The following MYO1C variants were observed in gnomAD, a reference collection of about 807,000 sequenced individuals.
MYO1C encodes myosin IC, also known as unconventional myosin-Ic.
In MYO1C, 104 loss-of-function variants were observed where a neutral mutation model predicts 150.8. That is an observed-to-expected ratio of 0.69 (90% CI 0.59 to 0.81). MYO1C has a LOEUF of 0.81. MYO1C is among the 30% of genes least tolerant of loss of function. The pLI is 0.00. For synonymous variants in MYO1C, 663 were observed against 579.9 expected (o/e 1.14, Z -2.06); for missense variants, 1,504 against 1,435.0 (o/e 1.05, Z -0.78).
chr17:1,480,999 C>CA, intron 5 of MYO1C, 114 bp from the exon 6 acceptor site: 1 of 1,170,352 alleles, frequency 8.5e-7, no homozygotes. Context: ...ATGCCAATTC[C>CA]AGCCCTGCCA....
chr17:1,479,832 G>A lies in MYO1C; in HGVS notation c.907-127C>T, dbSNP rs1030004442. On this transcript the variant is annotated intron_variant, in intron 7 of 31. Coordinates refer to ENST00000648651, the MANE Select transcript of MYO1C (RefSeq NM_001080779.2). The surrounding 1 kb of genome is among the most constrained non-coding windows in gnomAD (Gnocchi z 4.2). ...AGAGAAGGGGCTGGAAGTGGGAATG[G>A]GTGTTAAAGGTGGAAGGTGATTCTG... 1.5e-6 allele frequency: 1 copy of A among 672,380 alleles called. No homozygotes were observed. Among genetic ancestry groups the A allele is most frequent in the African/African-American group, 1.8e-5 (1 of 56,252 alleles). 41.7% of individuals were successfully genotyped at this position (672,380 alleles called of 1,614,324 possible).
chr17:1,467,830 GA>G lies in MYO1C; in HGVS notation c.2967+9del. The stretch of plus-strand genomic sequence containing the variant: ...TCCCCCACCACTCCTCCCCATCCAT[GA>G]AAAGGCACCTTTTGCTTATTGTCCG... On this transcript the variant is annotated intron_variant, in intron 29 of 31. Transcript: ENST00000648651. 6.9e-7 allele frequency: 1 copy of G among 1,454,952 alleles called. No individual in the cohort carries two copies. The highest frequency in any genetic ancestry group is 1.2e-5 in the South Asian group (1 of 86,956). 90.1% of individuals were successfully genotyped at this position (1,454,952 alleles called of 1,614,324 possible). A position where few individuals can be genotyped will look rare whatever the true frequency, so the allele number is the denominator to read the frequency against.
chr17:1,477,437 A>G, intron 14 of MYO1C, 68 bp downstream of exon 14: 1 of 1,389,798 alleles, frequency 7.2e-7, no homozygotes, highest in Non-Finnish European at 1.0e-6. Flanking sequence ...TGGCGGAGGG[A>G]CTCCTGCACT....
At chr17:1,487,469 T>C (rs1439680216) in intron 1 of MYO1C, among the ~76,000 whole-genome samples, 2 of 152,082 alleles carry the variant, frequency 1.3e-5, no homozygotes, top group Non-Finnish European at 2.9e-5. Flanking sequence ...GGCTCGTCAC[T>C]GCAACAACCC....
At chr17:1,469,380 AGGGTAAATACGGTAGATCG>A (rs1354727924) in intron 25 of MYO1C, 132 bp downstream of exon 25, 10 of 593,336 alleles carry the variant, frequency 1.7e-5, no homozygotes, top group African/African-American at 2.5e-5. Context: ...AGAGTAGACC[AGGGTAAATACGGTAGATCG>A]GGGTAAATAC....
chr17:1,478,030 G>A lies in MYO1C; in HGVS notation c.1401+57C>T. The stretch of plus-strand genomic sequence containing the variant: ...GGGGTCCTGGCACCCTCTCCCAGGG[G>A]CCCCGATACCCAGGCTCCCCGTGGC... On this transcript the variant is annotated intron_variant, in intron 12 of 31. Coordinates refer to ENST00000648651, the MANE Select transcript of MYO1C (RefSeq NM_001080779.2). The surrounding 1 kb of genome is among the most constrained non-coding windows in gnomAD (Gnocchi z 6.3). 1 of 1,611,728 alleles carries A rather than the reference G, an allele frequency of 6.2e-7. No homozygotes were observed. The highest frequency in any genetic ancestry group is 8.5e-7 in the Non-Finnish European group (1 of 1,177,894).
At chr17:1,469,364 G>T in intron 25 of MYO1C, 167 bp downstream of exon 25, 1 of 676,990 alleles carries the variant, frequency 1.5e-6, no homozygotes, top group Non-Finnish European at 2.7e-6. Context: ...GTAGACTGGG[G>T]TAAATAGAGT....
intron 14 of MYO1C, among the ~76,000 whole-genome samples, chr17:1,476,354 A>C (rs2074403218): frequency 6.6e-6 from 1 of 152,064 alleles, no homozygotes. Context: ...TGTAGTTTTA[A>C]TAGAGATAGG....
chr17:1,465,673 A>G lies in MYO1C; in HGVS notation c.*53T>C. ...CGAGTCTTTGGTAACTGGGAAGGGG[A>G]GGAGGAGAAAAGCAAAGCATTGGGC... On this transcript the variant is annotated 3_prime_UTR_variant, in exon 32 of 32. Transcript: ENST00000648651. 1 of 1,322,496 alleles carries G rather than the reference A, an allele frequency of 7.6e-7. No individual in the cohort carries two copies. Among genetic ancestry groups the G allele is most frequent in the South Asian group, 2.6e-5 (1 of 38,372 alleles). 81.9% of individuals were successfully genotyped at this position (1,322,496 alleles called of 1,614,324 possible). A position where few individuals can be genotyped will look rare whatever the true frequency, so the allele number is the denominator to read the frequency against.
rs754387756 is a variant in MYO1C at position 1,470,764 on chromosome 17, C to T, written c.2213-75G>A. 7.6e-6 allele frequency: 11 copies of T among 1,455,514 alleles called. No individual in the cohort carries two copies. In the East Asian group the frequency reaches 1.9e-4, roughly 25 times the overall value. 90.2% of individuals were successfully genotyped at this position (1,455,514 alleles called of 1,614,324 possible). A position where few individuals can be genotyped will look rare whatever the true frequency, so the allele number is the denominator to read the frequency against. On this transcript the variant is annotated intron_variant, in intron 21 of 31. Coordinates refer to ENST00000648651, the MANE Select transcript of MYO1C (RefSeq NM_001080779.2). ...GGAGCCTGGTGCCGTGTGCGCTCCA[C>T]GAGTGGCATGAATGGGAGAGTGGCT...
At chr17:1,487,895 TG>T (rs1443496697) in intron 1 of MYO1C, among the ~76,000 whole-genome samples, 98 of 152,296 alleles carry the variant, frequency 6.4e-4, no homozygotes, top group African/African-American at 2.3e-3. Flanking sequence ...CACTCCAGCC[TG>T]GGCGACAGAG....
intron 19 of MYO1C, 32 bp downstream of exon 19, chr17:1,471,875 C>A: frequency 6.2e-7 from 1 of 1,606,242 alleles, no homozygotes; most frequent in Non-Finnish European, 8.5e-7. Flanking sequence ...TCCCGCTCCC[C>A]TTCCCTGGCA....
Position 1,479,544 on chromosome 17 carries a change from G to GCCCCCCCCCCCCC in MYO1C, c.1021-43_1021-42insGGGGGGGGGGGGG. ...AGGACACGGTGAGGGTGCACCCCCA[G>GCCCCCCCCCCCCC]CCCCCGCCCCCGCCGTCCTCCCGTC... is the stretch of plus-strand genomic sequence containing the variant. On this transcript the variant is annotated intron_variant, in intron 8 of 31. Transcript: ENST00000648651. This position sits in a 1 kb window ranked among gnomAD's most constrained non-coding sequence, Gnocchi z 4.2. 8.5e-7 allele frequency: 1 copy of GCCCCCCCCCCCCC among 1,175,168 alleles called. No homozygotes were observed. Among genetic ancestry groups the GCCCCCCCCCCCCC allele is most frequent in the Non-Finnish European group, 1.2e-6 (1 of 804,192 alleles). 72.8% of individuals were successfully genotyped at this position (1,175,168 alleles called of 1,614,324 possible).
chr17:1,486,708 G>T (rs1375366637), intron 1 of MYO1C, among the ~76,000 whole-genome samples: 2 of 152,072 alleles, frequency 1.3e-5, no homozygotes, highest in Non-Finnish European at 2.9e-5. Flanking sequence ...TAGAGACGGG[G>T]TTTTACCATG....
rs1409700931 is a variant in MYO1C at position 1,470,697 on chromosome 17, T to A, written c.2213-8A>T. 1 of 1,601,756 alleles carries A rather than the reference T, an allele frequency of 6.2e-7. No individual in the cohort carries two copies. The highest frequency in any genetic ancestry group is 8.5e-7 in the Non-Finnish European group (1 of 1,178,952). On this transcript the variant is annotated splice_polypyrimidine_tract_variant and splice_region_variant and intron_variant, in intron 21 of 31. Transcript: ENST00000648651. ...CAGCTTGGATCTTTGTGGCTGCGGTTGGGAAAGAAAGGCAATTGGCCAGAG... is the reference window on the plus strand; with the variant it reads ...CAGCTTGGATCTTTGTGGCTGCGGTAGGGAAAGAAAGGCAATTGGCCAGAG...
chr17:1,479,784 A>G lies in MYO1C; in HGVS notation c.907-79T>C, dbSNP rs1316639872. 3 of 972,072 alleles carry G rather than the reference A, an allele frequency of 3.1e-6. No individual in the cohort carries two copies. The highest frequency in any genetic ancestry group is 4.8e-6 in the Non-Finnish European group (3 of 626,504). The allele number at this position is 972,072 out of a possible 1,614,324, so 60.2% of individuals were successfully genotyped here. On this transcript the variant is annotated intron_variant, in intron 7 of 31. Coordinates refer to ENST00000648651, the MANE Select transcript of MYO1C (RefSeq NM_001080779.2). This position sits in a 1 kb window ranked among gnomAD's most constrained non-coding sequence, Gnocchi z 4.2. ...GAGGGCAACTAGCAGATGGCCATGC[A>G]GGGGTGGGTGGTGAAGTGTCGGAGA... is the stretch of plus-strand genomic sequence containing the variant.
At position 1,480,599 on chromosome 17, in the gene MYO1C, G is replaced by T; in HGVS notation, c.834C>A (p.Ile278=). Residue 278 remains isoleucine, a synonymous_variant, in exon 7 of 32, where the codon ATC becomes ATA. Transcript: ENST00000648651. ...VKGQCAKVSS[I]NDKSDWKVVR... is the part of the protein sequence containing the mutation. Reference sequence around the variant, plus strand: ...CGACCTTCCAGTCACTCTTGTCGTTGATGGAGGAGACTTTGGCACACTGGC... The same window carrying T: ...CGACCTTCCAGTCACTCTTGTCGTTTATGGAGGAGACTTTGGCACACTGGC... 1 of 1,614,044 alleles carries T rather than the reference G, an allele frequency of 6.2e-7. No homozygotes were observed. Among genetic ancestry groups the T allele is most frequent in the Non-Finnish European group, 8.5e-7 (1 of 1,180,024 alleles).
At chr17:1,486,442 TG>T (rs2074657508) in intron 1 of MYO1C, among the ~76,000 whole-genome samples, 1 of 151,878 alleles carries the variant, frequency 6.6e-6, no homozygotes, top group African/African-American at 2.4e-5. Flanking sequence ...CCACGGCATT[TG>T]GGGCCCACAG....
intron 13 of MYO1C, 104 bp downstream of exon 13, chr17:1,477,786 GC>G: frequency 8.4e-7 from 1 of 1,185,838 alleles, no homozygotes; most frequent in Non-Finnish European, 1.3e-6. Flanking sequence ...TCTCTACTCA[GC>G]CCCAAACTCT....
Sources: gnomAD v4.1 joint callset for allele counts (sites outside exome capture counted in the v4.1 genomes callset) on GRCh38, gnomAD v4.1.1 for gene constraint, Gnocchi (gnomAD v3.1) non-coding constraint, MANE v1.5 for transcripts, NCBI Gene and HGNC (gene_info 2026-07-23, HGNC 2026-07-21) for gene names.